The following WWOX variants were observed in gnomAD, a reference collection of about 807,000 sequenced individuals.
WWOX encodes WW domain-containing oxidoreductase.
In WWOX, 69 loss-of-function variants were observed where a neutral mutation model predicts 46.2. The ratio of observed to expected loss-of-function variants is 1.49; its 90% CI spans 1.23 to 1.82. The LOEUF is 1.82. Among genes scored for constraint, WWOX ranks in the 40% most tolerant of loss-of-function variants. The probability of loss-of-function intolerance (pLI) is 0.00; values close to 1 mark genes in which losing one functional copy is unlikely to be tolerated. For synonymous variants in WWOX, 359 were observed against 202.6 expected (o/e 1.77, Z -6.56); for missense variants, 919 against 542.6 (o/e 1.69, Z -6.89).
At position 78,590,606 on chromosome 16, in the gene WWOX, C is replaced by T. The variant is rs972448182; in HGVS notation, c.1056+157854C>T. 3.9e-5 allele frequency among the ~76,000 whole-genome samples: 6 copies of T among 152,086 alleles called. No individual in the cohort carries two copies. The South Asian group carries it at 1.0e-3, about 27-fold the overall frequency. On this transcript the variant is annotated intron_variant, in intron 8 of 8. Transcript: ENST00000566780. Reference sequence around the variant, plus strand: ...GAGGAGACATAACCAAGTTCTCCTGCAGTTTGTGTGTTAAGGCAGATGGAA... The same window carrying T: ...GAGGAGACATAACCAAGTTCTCCTGTAGTTTGTGTGTTAAGGCAGATGGAA...
At chr16:78,832,076 G>C (rs1329602353) in intron 8 of WWOX, among the ~76,000 whole-genome samples, 1 of 152,152 alleles carries the variant, frequency 6.6e-6, no homozygotes, top group Non-Finnish European at 1.5e-5. Flanking sequence ...TTGTCTTTGT[G>C]GGTCAGGAAT....
intron 8 of WWOX, among the ~76,000 whole-genome samples, chr16:79,196,837 G>C (rs146965919): frequency 1.1e-4 from 16 of 152,284 alleles, no homozygotes; most frequent in Non-Finnish European, 2.1e-4. Flanking sequence ...TGGAGAGCTA[G>C]GGAAATAATG....
intron 8 of WWOX, among the ~76,000 whole-genome samples, chr16:79,129,130 G>C (rs2049822650): frequency 6.6e-6 from 1 of 151,998 alleles, no homozygotes; most frequent in Admixed American, 6.6e-5. Context: ...GTTATAAAAT[G>C]TTGCCTCCTG....
chr16:79,112,703 T>C (rs946331284), intron 8 of WWOX, among the ~76,000 whole-genome samples: 1 of 152,246 alleles, frequency 6.6e-6, no homozygotes, highest in Non-Finnish European at 1.5e-5. Flanking sequence ...AATTTATTCA[T>C]AGTCGTAAAG....
intron 5 of WWOX, among the ~76,000 whole-genome samples, chr16:78,186,927 T>C (rs1267504667): frequency 1.3e-5 from 2 of 152,216 alleles, no homozygotes; most frequent in Non-Finnish European, 2.9e-5. Context: ...AAATTGACAC[T>C]GGCATGATAA....
intron 8 of WWOX, among the ~76,000 whole-genome samples, chr16:79,152,619 C>T (rs927533210): frequency 6.6e-6 from 1 of 151,024 alleles, no homozygotes; most frequent in Admixed American, 6.6e-5. Context: ...TGCAGTGAGC[C>T]GAGATCACGC....
At chr16:79,049,343 C>T (rs1347025630) in intron 8 of WWOX, among the ~76,000 whole-genome samples, 1 of 152,168 alleles carries the variant, frequency 6.6e-6, no homozygotes, top group Non-Finnish European at 1.5e-5. Context: ...CACACTGGGG[C>T]AAACACAGGG....
intron 4 of WWOX, among the ~76,000 whole-genome samples, chr16:78,147,693 TTTTAA>T (rs2034252532): frequency 9.2e-6 from 1 of 108,976 alleles, no homozygotes; most frequent in Non-Finnish European, 1.9e-5. Flanking sequence ...TTTTTTTTTT[TTTTAA>T]AAAAAAAAAA....
intron 8 of WWOX, among the ~76,000 whole-genome samples, chr16:78,642,013 AG>A (rs2046728268): frequency 6.6e-6 from 1 of 152,226 alleles, no homozygotes. Flanking sequence ...GGGAAAAAGA[AG>A]AAAAACAGCA....
intron 5 of WWOX, among the ~76,000 whole-genome samples, chr16:78,222,224 C>T (rs2036910957): frequency 6.6e-6 from 1 of 152,008 alleles, no homozygotes; most frequent in South Asian, 2.1e-4. Flanking sequence ...AAGCTGTCTC[C>T]TGGGAAGTTT....
intron 5 of WWOX, among the ~76,000 whole-genome samples, chr16:78,282,916 C>T (rs1023466072): frequency 2.7e-5 from 4 of 150,232 alleles, no homozygotes; most frequent in African/African-American, 9.8e-5. Context: ...GGGAAAATGT[C>T]CAGGAAGGAT....
intron 8 of WWOX, among the ~76,000 whole-genome samples, chr16:78,711,192 C>G (rs564049483): frequency 6.6e-6 from 1 of 152,274 alleles, no homozygotes; most frequent in East Asian, 1.9e-4. Context: ...AATAGGGAAG[C>G]AGATATATCT....
chr16:78,419,480 C>T (rs763398427), intron 6 of WWOX, among the ~76,000 whole-genome samples: 4 of 151,868 alleles, frequency 2.6e-5, no homozygotes, highest in South Asian at 2.1e-4. Flanking sequence ...GAAATGAATC[C>T]ATGCATATTG....
At chr16:78,380,432 T>G (rs761555394) in intron 5 of WWOX, among the ~76,000 whole-genome samples, 6 of 152,178 alleles carry the variant, frequency 3.9e-5, no homozygotes, top group Non-Finnish European at 7.3e-5. Context: ...GATAAATAAC[T>G]GCTGTGGGGC....
At chr16:78,722,439 G>T (rs1017431396) in intron 8 of WWOX, among the ~76,000 whole-genome samples, 1 of 152,186 alleles carries the variant, frequency 6.6e-6, no homozygotes, top group Non-Finnish European at 1.5e-5. Flanking sequence ...ATGAGCAGCA[G>T]TTGTCAAGTA....
At chr16:78,358,285 C>T (rs12925942) in intron 5 of WWOX, among the ~76,000 whole-genome samples, 112,531 of 152,164 alleles carry the variant, frequency 0.74, 43,055 homozygotes, top group African/African-American at 0.84. Flanking sequence ...ACATACAAAA[C>T]GTATCTATTT....
intron 8 of WWOX, among the ~76,000 whole-genome samples, chr16:78,829,400 A>C (rs1400713348): frequency 6.6e-6 from 1 of 152,194 alleles, no homozygotes; most frequent in African/African-American, 2.4e-5. Context: ...AGATTAGATG[A>C]GATCCACCCC....
At chr16:78,245,659 A>G (rs1228087597) in intron 5 of WWOX, among the ~76,000 whole-genome samples, 1 of 152,232 alleles carries the variant, frequency 6.6e-6, no homozygotes, top group Non-Finnish European at 1.5e-5. Context: ...TTCAAAGACA[A>G]GTAGTGGGAA....
chr16:78,839,156 C>T (rs993784084), intron 8 of WWOX, among the ~76,000 whole-genome samples: 2 of 152,146 alleles, frequency 1.3e-5, no homozygotes, highest in Non-Finnish European at 2.9e-5. Context: ...AATCAAATAA[C>T]TGCTTAATAT....
Sources: allele counts gnomAD v4.1 joint callset (sites outside exome capture counted in the v4.1 genomes callset), GRCh38; gene constraint gnomAD v4.1.1; transcripts MANE v1.5; gene names NCBI Gene and HGNC (gene_info 2026-07-23, HGNC 2026-07-21).